Variants in PDE4D observed in about 807,000 individuals in gnomAD.
The protein encoded by PDE4D is phosphodiesterase 4D.
Under a neutral mutation model 87.4 loss-of-function variants are expected in PDE4D, and 24 were observed. That is an observed-to-expected ratio of 0.27 (90% confidence interval 0.20 to 0.39). PDE4D has a LOEUF of 0.39. Among genes scored for constraint, PDE4D ranks in the 10% least tolerant of loss-of-function variants. The pLI is 1.00. For missense variants in PDE4D, 714 were observed against 1,041.0 expected, an observed-to-expected ratio of 0.69 and a Z score of 4.32; for synonymous variants, 384 against 383.2, an observed-to-expected ratio of 1.00 and a Z score of -0.02.
intron 1 of PDE4D, among the ~76,000 whole-genome samples, chr5:59,874,959 G>C (rs905582577): frequency 1.3e-5 from 2 of 152,146 alleles, no homozygotes; most frequent in Non-Finnish European, 2.9e-5. Context: ...AGTGCACAGG[G>C]TACAAAAGTT....
In PDE4D at chr5:60,318,628, T is replaced by G. The variant is rs371508216; in HGVS notation, c.-89-132941A>C. On this transcript the variant is annotated intron_variant, in intron 1 of 16. Transcript: ENST00000502484. ...GTTTTTGCAGTGGCTGGTACTGGTTTTTCCTTTCCATGTTTAGTGCTTCCT... is the reference window on the plus strand; with the variant it reads ...GTTTTTGCAGTGGCTGGTACTGGTTGTTCCTTTCCATGTTTAGTGCTTCCT... Among the ~76,000 whole-genome samples the G allele has an allele frequency of 4.6e-5, 7 of 152,224 alleles. No individual in the cohort carries two copies. In the East Asian group the frequency reaches 7.7e-4, roughly 17 times the overall value.
chr5:59,441,741 C>T (rs1797647722), intron 1 of PDE4D, among the ~76,000 whole-genome samples: 2 of 152,206 alleles, frequency 1.3e-5, no homozygotes, highest in African/African-American at 4.8e-5. Flanking sequence ...GGGCCTCTAC[C>T]ATCCAATTCT....
chr5:59,979,823 A>G (rs1432361234), intron 3 of PDE4D, among the ~76,000 whole-genome samples: 1 of 152,110 alleles, frequency 6.6e-6, no homozygotes, highest in Non-Finnish European at 1.5e-5. Flanking sequence ...CTAAGTACCT[A>G]GAATTTTTTT....
intron 6 of PDE4D, chr5:58,999,870 G>A: frequency 1.0e-6 from 1 of 986,824 alleles, no homozygotes; most frequent in Non-Finnish European, 1.2e-6. Flanking sequence ...AATGAATAAT[G>A]TATGTCAAGA....
chr5:60,224,814 A>G (rs1482370379), intron 1 of PDE4D, among the ~76,000 whole-genome samples: 1 of 151,880 alleles, frequency 6.6e-6, no homozygotes, highest in Non-Finnish European at 1.5e-5. Flanking sequence ...CTGTCCCTTC[A>G]TGGGAGGTAG....
At chr5:59,435,407 T>C (rs1167451202) in intron 1 of PDE4D, among the ~76,000 whole-genome samples, 1 of 152,226 alleles carries the variant, frequency 6.6e-6, no homozygotes, top group Non-Finnish European at 1.5e-5. Flanking sequence ...GTGTCTTTCC[T>C]GTACACAGTC....
At chr5:60,408,264 T>C (rs1377679933) in intron 1 of PDE4D, among the ~76,000 whole-genome samples, 1 of 152,232 alleles carries the variant, frequency 6.6e-6, no homozygotes, top group Non-Finnish European at 1.5e-5. Flanking sequence ...TCTCAGCTGC[T>C]AAGTTCTAAG....
intron 1 of PDE4D, among the ~76,000 whole-genome samples, chr5:59,608,685 C>T (rs956578790): frequency 1.3e-5 from 2 of 152,072 alleles, no homozygotes; most frequent in Admixed American, 1.3e-4. Flanking sequence ...AGTAAGTAGC[C>T]TTCTTGAATG....
At chr5:59,216,166 GA>G (rs1271796409) in intron 1 of PDE4D, among the ~76,000 whole-genome samples, 198 bp from the exon 2 acceptor site, 4 of 152,218 alleles carry the variant, frequency 2.6e-5, no homozygotes, top group Non-Finnish European at 5.9e-5. Context: ...TGTTCTCCTG[GA>G]TACTGTTGTT....
At chr5:60,320,537 G>A (rs936467845) in intron 1 of PDE4D, among the ~76,000 whole-genome samples, 2 of 152,144 alleles carry the variant, frequency 1.3e-5, no homozygotes, top group Admixed American at 1.3e-4. Context: ...TGGTACCTCT[G>A]TTGGAAATGC....
intron 1 of PDE4D, among the ~76,000 whole-genome samples, chr5:59,487,842 C>G (rs993473699): frequency 6.6e-6 from 1 of 152,158 alleles, no homozygotes; most frequent in African/African-American, 2.4e-5. Flanking sequence ...CCAGTGAGAT[C>G]CCGCATGTAA....
chr5:59,414,923 T>C (rs533656316), intron 1 of PDE4D, among the ~76,000 whole-genome samples: 2 of 152,258 alleles, frequency 1.3e-5, no homozygotes, highest in African/African-American at 4.8e-5. Flanking sequence ...GGATTTATGC[T>C]GGAAGTGACG....
chr5:59,552,129 GA>G (rs1818223115), intron 1 of PDE4D, among the ~76,000 whole-genome samples: 1 of 152,182 alleles, frequency 6.6e-6, no homozygotes, highest in South Asian at 2.1e-4. Context: ...TGAAGCAGAA[GA>G]ATTGCTTGAG....
chr5:59,175,035 C>T (rs1215168099), intron 5 of PDE4D, among the ~76,000 whole-genome samples: 2 of 152,128 alleles, frequency 1.3e-5, no homozygotes, highest in African/African-American at 4.8e-5. Context: ...AGAATGCTTG[C>T]CTTGAGCTAA....
rs552889788 is a variant in PDE4D, at chr5:60,478,019, T to C, written c.-90+9923A>G. On this transcript the variant is annotated intron_variant, in intron 1 of 16. Transcript: ENST00000502484. ...TTTATCCATTTAATCCAAAACTATG[T>C]TTTGGAACTGTTTGTTACACAACAA... Among the ~76,000 whole-genome samples, 575 of 152,270 alleles carry C rather than the reference T, an allele frequency of 3.8e-3. 4 individuals carry two copies. The highest frequency in any genetic ancestry group is 0.014 in the African/African-American group (565 of 41,558).
chr5:60,460,787 C>G (rs113595628), intron 1 of PDE4D: 17 of 576,950 alleles, frequency 2.9e-5, no homozygotes, highest in Non-Finnish European at 3.1e-5. Flanking sequence ...CTTGCTCATC[C>G]GGAAGCAGGC....
At chr5:60,287,298 G>GA (rs1752506399) in intron 1 of PDE4D, among the ~76,000 whole-genome samples, 1 of 152,082 alleles carries the variant, frequency 6.6e-6, no homozygotes. Flanking sequence ...CCTTCTGTTG[G>GA]AAAATGCAGC....
chr5:58,975,326 G>A lies in PDE4D; in HGVS notation c.2014-246C>T, dbSNP rs899278533. On this transcript the variant is annotated intron_variant, in intron 14 of 14. Coordinates refer to ENST00000340635, the MANE Select transcript of PDE4D (RefSeq NM_001104631.2). This position sits in a 1 kb window ranked among gnomAD's most constrained non-coding sequence, Gnocchi z 4.2. ...GTTCTATAGCATAAAAAATTTTCCA[G>A]TTGTTGACATGGTAGGGCTTATTTT... Among the ~76,000 whole-genome samples the A allele has an allele frequency of 1.3e-5, 2 of 152,142 alleles. No homozygotes were observed. Among genetic ancestry groups the A allele is most frequent in the African/African-American group, 4.8e-5 (2 of 41,444 alleles).
intron 1 of PDE4D, among the ~76,000 whole-genome samples, chr5:59,409,911 G>T (rs183240946): frequency 6.6e-6 from 1 of 151,886 alleles, no homozygotes; most frequent in Non-Finnish European, 1.5e-5. Context: ...AATTCTTCTT[G>T]GTTATTTTTA....
Sources: allele counts gnomAD v4.1 joint callset (sites outside exome capture counted in the v4.1 genomes callset), GRCh38; gene constraint gnomAD v4.1.1; non-coding constraint Gnocchi (gnomAD v3.1); transcripts MANE v1.5; gene names NCBI Gene and HGNC (gene_info 2026-07-23, HGNC 2026-07-21).